Variants in NCEH1 observed in about 807,000 individuals in gnomAD.
The protein encoded by NCEH1 is neutral cholesterol ester hydrolase 1, also known as 2-acetyl MAGE hydrolase.
Under a neutral mutation model 25.4 loss-of-function variants are expected in NCEH1, and 9 were observed. That is an observed-to-expected ratio of 0.35 (90% CI 0.21 to 0.62). NCEH1 has a LOEUF of 0.62. Among genes scored for constraint, NCEH1 ranks in the 20% least tolerant of loss-of-function variants. The pLI, the probability that NCEH1 is intolerant of heterozygous loss-of-function variation, is 0.72. For missense variants in NCEH1, 412 were observed against 501.1 expected (o/e 0.82, Z 1.70); for synonymous variants, 200 against 199.8 (o/e 1.00, Z -0.01).
chr3:172,653,762 T>TTTTTTG (rs1717551994), intron 1 of NCEH1, among the ~76,000 whole-genome samples: 1 of 72,114 alleles, frequency 1.4e-5, no homozygotes, highest in African/African-American at 5.1e-5. Context: ...GTTTTTTTGT[T>TTTTTTG]TTTTTTTTTT....
chr3:172,702,185 C>T (rs1457381157), intron 1 of NCEH1, among the ~76,000 whole-genome samples: 1 of 151,722 alleles, frequency 6.6e-6, no homozygotes, highest in Non-Finnish European at 1.5e-5. Flanking sequence ...CTTTTCTTTG[C>T]ATTTCGGTCT....
intron 1 of NCEH1, among the ~76,000 whole-genome samples, chr3:172,662,814 C>A (rs1577067674): frequency 1.3e-5 from 2 of 151,786 alleles, no homozygotes; most frequent in Non-Finnish European, 2.9e-5. Context: ...TGGTGATATA[C>A]CCTTTATCAT....
chr3:172,699,991 T>C lies in NCEH1; in HGVS notation c.138+10856A>G, dbSNP rs541273302. 2.0e-5 allele frequency among the ~76,000 whole-genome samples: 3 copies of C among 152,356 alleles called. No homozygotes were observed. In the East Asian group the frequency reaches 5.8e-4, roughly 29 times the overall value. Reference sequence around the variant, plus strand: ...ATACATGTAACTTGGGGACTATCTATCTGTGTTTAATAACAATGATAACAG... The same window carrying C: ...ATACATGTAACTTGGGGACTATCTACCTGTGTTTAATAACAATGATAACAG... On this transcript the variant is annotated intron_variant, in intron 1 of 4. Coordinates refer to ENST00000475381, the MANE Select transcript of NCEH1 (RefSeq NM_020792.6).
At position 172,634,037 on chromosome 3, in the gene NCEH1, G is replaced by T. The variant is rs778527526; in HGVS notation, c.665C>A (p.Pro222Gln). Reference protein sequence around the residue: ...NKLKLQALIYPVLQALDFNTP... With the variant: ...NKLKLQALIYQVLQALDFNTP... ...GTTAAAATCTAAAGCTTGAAGAACT[G>T]GATAAATTAAAGCTTGTAGTTTGAG... The change falls in exon 5 of 5, where the codon CCA (proline) becomes CAA (glutamine). Residue 222 changes from proline to glutamine, a missense_variant. Pro to Gln is a moderately conservative substitution (Grantham distance 76, BLOSUM62 -1). This residue lies in a region of NCEH1 where 210 missense variants were observed against 258.2 expected (regional missense o/e 0.81). Transcript: ENST00000475381. 5.0e-6 allele frequency: 8 copies of T among 1,614,086 alleles called. No homozygotes were observed. Among genetic ancestry groups the T allele is most frequent in the Non-Finnish European group, 6.8e-6 (8 of 1,179,960 alleles).
chr3:172,709,468 A>G (rs949217018), intron 1 of NCEH1, among the ~76,000 whole-genome samples: 3 of 152,166 alleles, frequency 2.0e-5, no homozygotes, highest in Non-Finnish European at 4.4e-5. Context: ...CACCAGTGCT[A>G]AAGAAGGGGA....
chr3:172,663,579 T>C lies in NCEH1; in HGVS notation c.139-15465A>G, dbSNP rs550421413. Among the ~76,000 whole-genome samples the C allele has an allele frequency of 5.3e-5, 8 of 152,282 alleles. No individual in the cohort carries two copies. The East Asian group carries it at 1.5e-3, about 29-fold the overall frequency. On this transcript the variant is annotated intron_variant, in intron 1 of 4. Transcript: ENST00000475381. ...AGTAGGGTGTTAAAGTCTCCCAATA[T>C]TATTGTTTGGGAGTCTAAGTCTCTT... is the stretch of plus-strand genomic sequence containing the variant.
At chr3:172,643,592 A>G (rs574356696) in intron 3 of NCEH1, among the ~76,000 whole-genome samples, 13 of 152,336 alleles carry the variant, frequency 8.5e-5, no homozygotes, top group Admixed American at 5.9e-4. Context: ...CCTCTTAAAT[A>G]TATCTTATTC....
intron 1 of NCEH1, among the ~76,000 whole-genome samples, chr3:172,664,797 T>C (rs1163237418): frequency 6.6e-6 from 1 of 152,206 alleles, no homozygotes; most frequent in Non-Finnish European, 1.5e-5. Context: ...TGCCATGGTT[T>C]TCAGCTCCAT....
chr3:172,701,829 T>G (rs1713712212), intron 1 of NCEH1, among the ~76,000 whole-genome samples: 1 of 152,118 alleles, frequency 6.6e-6, no homozygotes, highest in Admixed American at 6.6e-5. Context: ...AAAACACAGT[T>G]TTGAGCATGT....
At chr3:172,658,738 C>T (rs1056682867) in intron 1 of NCEH1, among the ~76,000 whole-genome samples, 5 of 151,934 alleles carry the variant, frequency 3.3e-5, no homozygotes, top group Non-Finnish European at 7.4e-5. Flanking sequence ...AACCCTGTCA[C>T]CCTAAAACAT....
chr3:172,638,592 CTTTTAA>C (rs1410579668), intron 3 of NCEH1, among the ~76,000 whole-genome samples: 7 of 152,026 alleles, frequency 4.6e-5, no homozygotes, highest in African/African-American at 1.4e-4. Flanking sequence ...CCAAGCTGAA[CTTTTAA>C]TTTTAATAAA....
At chr3:172,662,505 C>CT (rs1718016470) in intron 1 of NCEH1, among the ~76,000 whole-genome samples, 1 of 152,196 alleles carries the variant, frequency 6.6e-6, no homozygotes, top group African/African-American at 2.4e-5. Flanking sequence ...AGGATTCCCT[C>CT]TTTTTCTATG....
chr3:172,707,274 T>G (rs964128775), intron 1 of NCEH1, among the ~76,000 whole-genome samples: 4 of 152,204 alleles, frequency 2.6e-5, no homozygotes, highest in African/African-American at 9.7e-5. Flanking sequence ...TCATCTAAAT[T>G]ACACCTCTGC....
chr3:172,689,627 C>CT (rs751623959), intron 1 of NCEH1, among the ~76,000 whole-genome samples: 145,444 of 145,458 alleles, frequency 1, 72,715 homozygotes, highest in Middle Eastern at 1. Flanking sequence ...GGTAGACCAC[C>CT]TGAGCGCCAG....
intron 3 of NCEH1, 77 bp downstream of exon 3, chr3:172,645,546 G>A (rs1560182198): frequency 3.3e-6 from 3 of 899,424 alleles, no homozygotes; most frequent in South Asian, 3.3e-5. Context: ...TTTATCACTT[G>A]TAAAACAAAG....
At chr3:172,707,190 A>G (rs1489770969) in intron 1 of NCEH1, among the ~76,000 whole-genome samples, 1 of 152,100 alleles carries the variant, frequency 6.6e-6, no homozygotes, top group Non-Finnish European at 1.5e-5. Context: ...CTTTGTCTGC[A>G]TAGCATTTGG....
chr3:172,665,120 A>T (rs865909912), intron 1 of NCEH1, among the ~76,000 whole-genome samples: 1 of 152,118 alleles, frequency 6.6e-6, no homozygotes. Context: ...GTCTTTGATG[A>T]TGGTGACCTA....
intron 3 of NCEH1, among the ~76,000 whole-genome samples, chr3:172,637,718 G>A (rs1176044378): frequency 3.3e-5 from 5 of 152,242 alleles, no homozygotes; most frequent in South Asian, 2.1e-4. Flanking sequence ...GTGAAAACCC[G>A]TTTCTACTAA....
At chr3:172,661,192 G>A (rs1717955796) in intron 1 of NCEH1, among the ~76,000 whole-genome samples, 1 of 152,090 alleles carries the variant, frequency 6.6e-6, no homozygotes, top group African/African-American at 2.4e-5. Flanking sequence ...TTCTACATAT[G>A]GCTAGCCAGT....
Sources: allele counts gnomAD v4.1 joint callset (sites outside exome capture counted in the v4.1 genomes callset), GRCh38; gene constraint gnomAD v4.1.1; regional missense constraint gnomAD v4.1.1; transcripts MANE v1.5; gene names NCBI Gene and HGNC (gene_info 2026-07-23, HGNC 2026-07-21).